IQGAP1: variants seen among roughly 807,000 people sequenced by gnomAD.
IQGAP1 encodes IQ motif containing GTPase activating protein 1, also known as ras GTPase-activating-like protein IQGAP1.
A neutral mutation model predicts 215.6 loss-of-function variants in IQGAP1; 66 were observed. The observed-to-expected ratio is 0.31, with a 90% CI of 0.25 to 0.38. The LOEUF (loss-of-function observed/expected upper bound fraction) is 0.38. IQGAP1 is among the 10% of genes least tolerant of loss of function. The pLI, the probability that IQGAP1 is intolerant of heterozygous loss-of-function variation, is 1.00. For missense variants in IQGAP1, 1,712 were observed against 1,997.1 expected, an observed-to-expected ratio of 0.86 and a Z score of 2.72; for synonymous variants, 772 against 728.7, an observed-to-expected ratio of 1.06 and a Z score of -0.96.
chr15:90,473,964 C>G lies in IQGAP1; in HGVS notation c.2502C>G (p.Asp834Glu). The G allele has an allele frequency of 6.2e-7, 1 of 1,613,982 alleles. No individual in the cohort carries two copies. Among genetic ancestry groups the G allele is most frequent in the African/African-American group, 1.3e-5 (1 of 75,016 alleles). ...GAGATCGCCTGCAGTACTTCCGGGA[C>G]CATGTAAGCACCCTTGGATCATACA... ...RYRDRLQYFR[D>E]HINDIIKIQA... Residue 834 changes from aspartate (D) to glutamate (E), a missense_variant, in exon 21 of 38, where the codon GAC (aspartate) becomes GAG (glutamate). Coordinates refer to ENST00000268182, the MANE Select transcript of IQGAP1 (RefSeq NM_003870.4).
intron 2 of IQGAP1, among the ~76,000 whole-genome samples, chr15:90,415,090 C>G (rs549105653): frequency 6.6e-6 from 1 of 152,276 alleles, no homozygotes; most frequent in Admixed American, 6.5e-5. Flanking sequence ...ACACACTGGA[C>G]AACAATGTTA....
At chr15:90,428,634 T>C (rs1182071243) in intron 3 of IQGAP1, among the ~76,000 whole-genome samples, 1 of 151,620 alleles carries the variant, frequency 6.6e-6, no homozygotes, top group Non-Finnish European at 1.5e-5. Context: ...AGAAAAACAA[T>C]TAGATGGGCA....
In IQGAP1 at chr15:90,473,743, A is replaced by G; in HGVS notation, c.2378A>G (p.Lys793Arg). Residue 793 changes from lysine (K) to arginine (R), a missense_variant, in exon 20 of 38, where the codon AAG (lysine) becomes AGG (arginine). By Grantham distance (26) the Lys-to-Arg change is conservative. Around this residue, in one of 2 missense-constraint regions of IQGAP1, gnomAD observed 1,021 missense variants for 1,074.2 expected, o/e 0.95. Transcript: ENST00000268182. Reference protein sequence around the residue: ...QSQWRGYKQKKAYQDRLAYLR... With the variant: ...QSQWRGYKQKRAYQDRLAYLR... The stretch of plus-strand genomic sequence containing the variant: ...CAGTGGAGAGGATACAAGCAGAAGA[A>G]GGCATATCAAGATCGGTTAGCTTAC... 1 of 1,610,598 alleles carries G rather than the reference A, an allele frequency of 6.2e-7. No individual in the cohort carries two copies. Among genetic ancestry groups the G allele is most frequent in the South Asian group, 1.1e-5 (1 of 90,830 alleles).
chr15:90,426,229 T>TG lies in IQGAP1; in HGVS notation c.276dup (p.Lys93GlufsTer5). The TG allele has an allele frequency of 6.2e-7, 1 of 1,602,378 alleles. No individual in the cohort carries two copies. The highest frequency in any genetic ancestry group is 1.4e-5 in the African/African-American group (1 of 73,980). ...TTCTTCTCTCCCAAAGTAGTGTCCC[T>TG]GAAAAAAATCTATGATCGAGAACAG... On this transcript the variant is annotated frameshift_variant, in exon 3 of 38. Coordinates refer to ENST00000268182, the MANE Select transcript of IQGAP1 (RefSeq NM_003870.4). LOFTEE classifies it high-confidence loss of function.
chr15:90,492,444 A>ATTT, intron 34 of IQGAP1, 101 bp from the exon 35 acceptor site: 2 of 461,262 alleles, frequency 4.3e-6, no homozygotes, highest in Non-Finnish European at 7.2e-6. Flanking sequence ...AAAAAAAAGT[A>ATTT]GGTAGTCATA....
intron 1 of IQGAP1, among the ~76,000 whole-genome samples, chr15:90,390,221 G>C (rs369316604): frequency 1.3e-5 from 2 of 152,196 alleles, no homozygotes; most frequent in East Asian, 3.9e-4. Flanking sequence ...TCAAGGTTAA[G>C]CTCAGGCTTT....
chr15:90,468,072 T>G (rs572887981), intron 18 of IQGAP1, among the ~76,000 whole-genome samples: 1 of 119,468 alleles, frequency 8.4e-6, no homozygotes, highest in Non-Finnish European at 1.7e-5. Context: ...TTGTTTGTTT[T>G]TTGTTTTTTT....
chr15:90,453,252 G>T lies in IQGAP1; in HGVS notation c.1447G>T (p.Val483Phe). The part of the protein sequence containing the change: ...NTVWKQLSSS[V>F]TGLTNIEEEN... ...AGTGTGGAAGCAATTGAGCAGTTCA[G>T]TTACTGGTCTTACCAATATTGAGGA... Residue 483 changes from valine to phenylalanine, a missense_variant, in exon 13 of 38, where the codon GTT becomes TTT. By Grantham distance (50) the Val-to-Phe change is conservative (BLOSUM62 -1). Around this residue, in one of 2 missense-constraint regions of IQGAP1, gnomAD observed 1,021 missense variants for 1,074.2 expected, o/e 0.95. Coordinates refer to ENST00000268182, the MANE Select transcript of IQGAP1 (RefSeq NM_003870.4). 1 of 1,613,868 alleles carries T rather than the reference G, an allele frequency of 6.2e-7. No individual in the cohort carries two copies. Among genetic ancestry groups the T allele is most frequent in the Non-Finnish European group, 8.5e-7 (1 of 1,179,884 alleles).
intron 2 of IQGAP1, among the ~76,000 whole-genome samples, chr15:90,418,520 G>A (rs1323878708): frequency 6.6e-6 from 1 of 152,052 alleles, no homozygotes; most frequent in Non-Finnish European, 1.5e-5. Context: ...CCAGGAGGTT[G>A]AGGCCACAGT....
chr15:90,495,441 T>C (rs1351921193), intron 36 of IQGAP1, among the ~76,000 whole-genome samples: 3 of 152,142 alleles, frequency 2.0e-5, no homozygotes, highest in East Asian at 3.8e-4. Flanking sequence ...TAAAATAATA[T>C]GTATTCGTTA....
At chr15:90,481,934 G>C in intron 26 of IQGAP1, 26 bp from the exon 27 acceptor site, 1 of 1,613,540 alleles carries the variant, frequency 6.2e-7, no homozygotes. Flanking sequence ...GTCTAACATA[G>C]TTGGGTATAA....
chr15:90,478,536 A>C (rs1443671884), intron 26 of IQGAP1, among the ~76,000 whole-genome samples: 1 of 152,232 alleles, frequency 6.6e-6, no homozygotes, highest in Non-Finnish European at 1.5e-5. Flanking sequence ...AGAAAGTTTT[A>C]TGAAGTTTTA....
intron 4 of IQGAP1, 37 bp from the exon 5 acceptor site, chr15:90,433,682 A>G: frequency 1.7e-6 from 2 of 1,209,292 alleles, no homozygotes; most frequent in Non-Finnish European, 2.4e-6. Context: ...AACACAGTGA[A>G]TGGATATCTT....
chr15:90,481,974 A>T lies in IQGAP1; in HGVS notation c.3344A>T (p.Asp1115Val), dbSNP rs1234383596. ...QTGEASKLPYDVTPEQALAHE... is the reference protein window; with the variant it reads ...QTGEASKLPYVVTPEQALAHE... ...TGTCTTCCCAGCAAACTGCCCTATG[A>T]TGTGACCCCTGAGCAGGCGCTAGCT... is the stretch of plus-strand genomic sequence containing the variant. Residue 1115 changes from aspartate to valine, a missense_variant, in exon 27 of 38, where the codon GAT becomes GTT. Asp to Val is a radical substitution (Grantham distance 152, BLOSUM62 -3). This residue lies in a region of IQGAP1 where 691 missense variants were observed against 923.0 expected (regional missense o/e 0.75). Coordinates refer to ENST00000268182, the MANE Select transcript of IQGAP1 (RefSeq NM_003870.4). 1.2e-6 allele frequency: 2 copies of T among 1,614,214 alleles called. No homozygotes were observed. The highest frequency in any genetic ancestry group is 8.5e-7 in the Non-Finnish European group (1 of 1,180,036).
intron 26 of IQGAP1, among the ~76,000 whole-genome samples, 160 bp downstream of exon 26, chr15:90,478,049 T>A (rs1265684195): frequency 1.3e-5 from 2 of 152,148 alleles, no homozygotes; most frequent in East Asian, 3.8e-4. Context: ...TGGAGTACAG[T>A]GGCATAATCT....
At chr15:90,489,535 C>A (rs183330548) in intron 33 of IQGAP1, among the ~76,000 whole-genome samples, 4 of 152,180 alleles carry the variant, frequency 2.6e-5, no homozygotes, top group Admixed American at 2.6e-4. Context: ...AGCTAAAAGC[C>A]CAGTATATAG....
intron 33 of IQGAP1, among the ~76,000 whole-genome samples, chr15:90,490,570 C>T (rs1966189437): frequency 6.6e-6 from 1 of 152,192 alleles, no homozygotes. Context: ...CATGATTCCA[C>T]CTTGTGACAA....
chr15:90,491,244 G>A (rs1966199442), intron 33 of IQGAP1, 89 bp from the exon 34 acceptor site: 7 of 1,094,132 alleles, frequency 6.4e-6, no homozygotes, highest in Non-Finnish European at 9.5e-6. Flanking sequence ...TTTAAGAACT[G>A]TATAAGTTCA....
chr15:90,421,267 G>C (rs1333557496), intron 2 of IQGAP1, among the ~76,000 whole-genome samples: 3 of 152,312 alleles, frequency 2.0e-5, no homozygotes, highest in South Asian at 4.1e-4. Context: ...CCTGAGGTCA[G>C]GAGTTCAGGA....
Sources: allele counts gnomAD v4.1 joint callset (sites outside exome capture counted in the v4.1 genomes callset), GRCh38; gene constraint gnomAD v4.1.1; regional missense constraint gnomAD v4.1.1; transcripts MANE v1.5; gene names NCBI Gene and HGNC (gene_info 2026-07-23, HGNC 2026-07-21).